DPY19L1: variants seen among roughly 807,000 people sequenced by gnomAD.
The protein encoded by DPY19L1 is protein C-mannosyl-transferase DPY19L1.
DPY19L1 carries 35 observed loss-of-function variants against 96.9 expected under a neutral mutation model. The observed-to-expected ratio is 0.36, with a 90% CI of 0.28 to 0.48. The LOEUF (loss-of-function observed/expected upper bound fraction) is 0.48. Ranked by LOEUF, DPY19L1 falls within the 20% of genes least tolerant of loss-of-function variation. The pLI, the probability that DPY19L1 is intolerant of heterozygous loss-of-function variation, is 0.99. For missense variants in DPY19L1, 521 were observed against 777.9 expected, an observed-to-expected ratio of 0.67 and a Z score of 3.93; for synonymous variants, 205 against 252.6, an observed-to-expected ratio of 0.81 and a Z score of 1.79.
At chr7:35,023,833 CTTT>C (rs755619806) in intron 1 of DPY19L1, among the ~76,000 whole-genome samples, 8 of 111,814 alleles carry the variant, frequency 7.2e-5, no homozygotes, top group South Asian at 3.0e-4. Flanking sequence ...CTTTTCTTTT[CTTT>C]TTTTTTTTTT....
chr7:35,030,906 C>G (rs1028920209), intron 1 of DPY19L1, among the ~76,000 whole-genome samples: 2 of 152,036 alleles, frequency 1.3e-5, no homozygotes, highest in Non-Finnish European at 2.9e-5. Context: ...CAGATATAGA[C>G]GTAATTTTTA....
intron 7 of DPY19L1, chr7:34,988,013 C>T (rs1284603516): frequency 6.6e-6 from 1 of 151,872 alleles, no homozygotes; most frequent in Non-Finnish European, 1.5e-5. Context: ...TTCAGCTACA[C>T]CAAGTAGCTG....
intron 15 of DPY19L1, among the ~76,000 whole-genome samples, chr7:34,946,418 C>T (rs1447681828): frequency 6.6e-6 from 1 of 152,188 alleles, no homozygotes; most frequent in Non-Finnish European, 1.5e-5. Context: ...AGGCTTTTAC[C>T]ATATTTCAAA....
At chr7:35,032,757 C>T (rs766456818) in intron 1 of DPY19L1, among the ~76,000 whole-genome samples, 1 of 152,076 alleles carries the variant, frequency 6.6e-6, no homozygotes, top group Admixed American at 6.5e-5. Flanking sequence ...TGGTGAATGC[C>T]AGCATTATTT....
chr7:34,979,743 GA>G (rs1784901104), intron 7 of DPY19L1, among the ~76,000 whole-genome samples: 1 of 152,168 alleles, frequency 6.6e-6, no homozygotes, highest in African/African-American at 2.4e-5. Flanking sequence ...TAAAATATGT[GA>G]AAAACATTAA....
intron 1 of DPY19L1, among the ~76,000 whole-genome samples, chr7:35,019,483 AAGT>A (rs1455653709): frequency 6.6e-6 from 1 of 152,016 alleles, no homozygotes; most frequent in Non-Finnish European, 1.5e-5. Context: ...GAAAAAGAAG[AAGT>A]AGGAGGAAGA....
rs1427585426 is a variant in DPY19L1 at position 34,988,790 on chromosome 7, T to C, written c.822+1094A>G. Among the ~76,000 whole-genome samples the C allele has an allele frequency of 3.9e-5, 6 of 152,334 alleles. No homozygotes were observed. The East Asian group carries it at 1.2e-3, about 29-fold the overall frequency. ...CTAGACAGATGTATTAGAAATTCATTTACAACTATGATTAATCTAGAAACG... is the reference window on the plus strand; with the variant it reads ...CTAGACAGATGTATTAGAAATTCATCTACAACTATGATTAATCTAGAAACG... On this transcript the variant is annotated intron_variant, in intron 7 of 21. Coordinates refer to ENST00000638088, the MANE Select transcript of DPY19L1 (RefSeq NM_001366673.1).
At chr7:34,942,694 T>C (rs576853526) in intron 16 of DPY19L1, 55 bp from the exon 17 acceptor site, 15 of 1,453,474 alleles carry the variant, frequency 1.0e-5, no homozygotes, top group Non-Finnish European at 1.4e-5. Context: ...ACTTACGTCA[T>C]ATATTTGCAT....
At chr7:34,953,056 G>C (rs1189580644) in intron 13 of DPY19L1, among the ~76,000 whole-genome samples, 1 of 152,076 alleles carries the variant, frequency 6.6e-6, no homozygotes, top group Non-Finnish European at 1.5e-5. Flanking sequence ...AAAAGAACCT[G>C]TACTACTGGA....
intron 15 of DPY19L1, among the ~76,000 whole-genome samples, 163 bp from the exon 16 acceptor site, chr7:34,945,879 A>G (rs1031789066): frequency 3.3e-5 from 5 of 152,240 alleles, no homozygotes; most frequent in African/African-American, 1.2e-4. Context: ...TTTGTATAGT[A>G]TCTGATCAAA....
At chr7:35,012,147 C>T (rs532061266) in intron 4 of DPY19L1, among the ~76,000 whole-genome samples, 3 of 152,332 alleles carry the variant, frequency 2.0e-5, no homozygotes, top group East Asian at 1.9e-4. Context: ...CCCCTACCCA[C>T]GGGCAATCTG....
chr7:35,013,778 T>G, intron 3 of DPY19L1, 73 bp from the exon 4 acceptor site: 2 of 1,254,974 alleles, frequency 1.6e-6, no homozygotes, highest in Non-Finnish European at 2.2e-6. Context: ...GTAAATACAC[T>G]GTTTTTGAAA....
chr7:35,037,152 C>T lies in DPY19L1; in HGVS notation c.243G>A (p.Trp81Ter), dbSNP rs1276818153. 2 of 183,606 alleles carry T rather than the reference C, an allele frequency of 1.1e-5. No individual in the cohort carries two copies. The highest frequency in any genetic ancestry group is 6.4e-5 in the Admixed American group (1 of 15,536). The allele number at this position is 183,606 out of a possible 1,614,324, so 11.4% of individuals were successfully genotyped here. The change falls in exon 1 of 22, where the codon TGG (tryptophan) becomes TGA (stop). Residue 81 changes from tryptophan (W) to a stop codon, truncating the protein, a stop_gained. Coordinates refer to ENST00000638088, the MANE Select transcript of DPY19L1 (RefSeq NM_001366673.1). LOFTEE classifies it high-confidence loss of function. ...LGGRLAARLR[W>*]ALGLRRAGRG... ...GCCCCGCGCGCCGCAGGCCCAGCGC[C>T]CAGCGCAGCCGGGCGGCCAGGCGCC...
intron 6 of DPY19L1, among the ~76,000 whole-genome samples, chr7:34,996,549 C>T (rs1022206979): frequency 6.6e-6 from 1 of 152,084 alleles, no homozygotes; most frequent in Non-Finnish European, 1.5e-5. Flanking sequence ...TCCATCCCAC[C>T]ACCATCATAC....
chr7:34,984,538 G>A (rs1400838949), intron 7 of DPY19L1, among the ~76,000 whole-genome samples: 1 of 152,182 alleles, frequency 6.6e-6, no homozygotes, highest in African/African-American at 2.4e-5. Context: ...CTTTTCTATT[G>A]TAGATTGCTT....
intron 1 of DPY19L1, among the ~76,000 whole-genome samples, chr7:35,030,077 A>AT (rs1462629830): frequency 2.6e-5 from 4 of 152,136 alleles, no homozygotes; most frequent in African/African-American, 7.2e-5. Flanking sequence ...ATAAGGTCTC[A>AT]TTTTCAAAAA....
intron 6 of DPY19L1, among the ~76,000 whole-genome samples, chr7:34,998,565 G>T (rs1302255523): frequency 6.6e-6 from 1 of 152,174 alleles, no homozygotes. Context: ...CTTCTGCACT[G>T]ACGTGAAGAA....
At chr7:34,983,251 T>A (rs938265897) in intron 7 of DPY19L1, among the ~76,000 whole-genome samples, 1 of 152,014 alleles carries the variant, frequency 6.6e-6, no homozygotes, top group Non-Finnish European at 1.5e-5. Flanking sequence ...AATAAAAAGC[T>A]ATGAGACATG....
At chr7:35,017,620 C>T (rs1038299203) in intron 3 of DPY19L1, among the ~76,000 whole-genome samples, 1 of 150,346 alleles carries the variant, frequency 6.7e-6, no homozygotes, top group African/African-American at 2.4e-5. Flanking sequence ...TGCAGTGAGC[C>T]GAGATGGAGC....
Sources: gnomAD v4.1 joint callset for allele counts (sites outside exome capture counted in the v4.1 genomes callset) on GRCh38, gnomAD v4.1.1 for gene constraint, MANE v1.5 for transcripts, NCBI Gene and HGNC (gene_info 2026-07-23, HGNC 2026-07-21) for gene names.